EIF4G3: variants seen among roughly 807,000 people sequenced by gnomAD.
EIF4G3 encodes eukaryotic translation initiation factor 4 gamma 3.
A neutral mutation model predicts 186.4 loss-of-function variants in EIF4G3; 34 were observed. The ratio of observed to expected loss-of-function variants is 0.18; its 90% CI spans 0.14 to 0.24. EIF4G3 has a LOEUF of 0.24. Among genes scored for constraint, EIF4G3 ranks in the 10% least tolerant of loss-of-function variants. The pLI is 1.00. For synonymous variants in EIF4G3, 673 were observed against 679.5 expected (o/e 0.99, Z 0.15); for missense variants, 1,536 against 1,948.5 (o/e 0.79, Z 3.99).
At chr1:20,849,392 GTT>G (rs750739069) in intron 29 of EIF4G3, 21 bp downstream of exon 29, 12 of 1,074,124 alleles carry the variant, frequency 1.1e-5, no homozygotes, top group African/African-American at 8.3e-5. Flanking sequence ...CTGTGTGTGT[GTT>G]TTTTTTTTAA....
At chr1:21,155,247 T>C (rs1370672235) in intron 2 of EIF4G3, among the ~76,000 whole-genome samples, 1 of 100,192 alleles carries the variant, frequency 1.0e-5, no homozygotes, top group South Asian at 3.5e-4. Context: ...TGGGAGACAG[T>C]GCGAGACTCT....
intron 33 of EIF4G3, among the ~76,000 whole-genome samples, chr1:20,818,334 T>C (rs761089123): frequency 2.0e-5 from 3 of 152,194 alleles, no homozygotes; most frequent in African/African-American, 2.4e-5. Context: ...CTTAGATACA[T>C]AGTTTTAAAA....
At chr1:21,140,314 A>AT (rs1009907530) in intron 2 of EIF4G3, among the ~76,000 whole-genome samples, 5 of 150,598 alleles carry the variant, frequency 3.3e-5, no homozygotes, top group South Asian at 2.1e-4. Flanking sequence ...GCATGGGCAA[A>AT]TTTTTTTTTT....
chr1:20,913,496 C>A (rs2093492617), intron 14 of EIF4G3, among the ~76,000 whole-genome samples: 2 of 152,122 alleles, frequency 1.3e-5, no homozygotes, highest in Admixed American at 6.5e-5. Flanking sequence ...TATTACTGTA[C>A]CCCACCCTGT....
chr1:20,891,777 G>A (rs192574207), intron 18 of EIF4G3, among the ~76,000 whole-genome samples: 2 of 149,916 alleles, frequency 1.3e-5, no homozygotes, highest in African/African-American at 2.5e-5. Context: ...GCGACAGAGC[G>A]ACACTCTGTC....
At chr1:20,844,122 T>C (rs915477898) in intron 29 of EIF4G3, among the ~76,000 whole-genome samples, 1 of 152,178 alleles carries the variant, frequency 6.6e-6, no homozygotes, top group Non-Finnish European at 1.5e-5. Context: ...AACATACGTG[T>C]GCATGTGTCT....
chr1:21,072,592 C>G (rs1348012375), intron 3 of EIF4G3, among the ~76,000 whole-genome samples: 1 of 151,478 alleles, frequency 6.6e-6, no homozygotes, highest in Non-Finnish European at 1.5e-5. Context: ...TTAGTAGAGA[C>G]GGGGTTTCAC....
At chr1:20,906,674 C>T (rs1486199862) in intron 14 of EIF4G3, among the ~76,000 whole-genome samples, 1 of 152,060 alleles carries the variant, frequency 6.6e-6, no homozygotes, top group Non-Finnish European at 1.5e-5. Flanking sequence ...AAAACAGCTA[C>T]TGAGCCAGTG....
chr1:20,942,590 T>C (rs907740435), intron 13 of EIF4G3, among the ~76,000 whole-genome samples: 3 of 152,130 alleles, frequency 2.0e-5, no homozygotes, highest in Non-Finnish European at 2.9e-5. Flanking sequence ...ATATCAAGAA[T>C]ACAACTGAAA....
At chr1:20,862,659 A>T (rs1432256707) in intron 22 of EIF4G3, among the ~76,000 whole-genome samples, 1 of 152,062 alleles carries the variant, frequency 6.6e-6, no homozygotes, top group Non-Finnish European at 1.5e-5. Flanking sequence ...GCAATCCTCC[A>T]GCCTTGGCCT....
At chr1:21,048,831 G>A (rs1197280158) in intron 4 of EIF4G3, among the ~76,000 whole-genome samples, 1 of 152,132 alleles carries the variant, frequency 6.6e-6, no homozygotes, top group Non-Finnish European at 1.5e-5. Flanking sequence ...GGTAGGGGTA[G>A]CAGTCTCTCA....
intron 7 of EIF4G3, among the ~76,000 whole-genome samples, chr1:20,991,554 T>A (rs934283684): frequency 6.8e-6 from 1 of 147,806 alleles, no homozygotes; most frequent in Non-Finnish European, 1.5e-5. Flanking sequence ...GGTGACAGAG[T>A]GAGACTCTGT....
intron 3 of EIF4G3, among the ~76,000 whole-genome samples, chr1:21,062,231 T>C (rs1396427942): frequency 6.6e-6 from 1 of 151,642 alleles, no homozygotes; most frequent in African/African-American, 2.4e-5. Context: ...GCTAATTTGT[T>C]TTATTTTTTG....
intron 3 of EIF4G3, among the ~76,000 whole-genome samples, chr1:21,088,414 C>T (rs1462465375): frequency 1.5e-5 from 2 of 137,144 alleles, no homozygotes; most frequent in African/African-American, 2.6e-5. Context: ...AGCAAAACTC[C>T]ATCTCAAAAT....
intron 2 of EIF4G3, among the ~76,000 whole-genome samples, chr1:21,117,693 T>C (rs1281690516): frequency 7.2e-6 from 1 of 139,366 alleles, no homozygotes; most frequent in Non-Finnish European, 1.5e-5. Context: ...GCACTCTTTG[T>C]AATTCTGGTC....
At chr1:20,882,629 A>AT (rs2082744625) in intron 19 of EIF4G3, among the ~76,000 whole-genome samples, 3 of 102,542 alleles carry the variant, frequency 2.9e-5, no homozygotes, top group East Asian at 1.4e-3. Context: ...TCAAAAAAAA[A>AT]CAAAAAAAAA....
chr1:21,044,219 A>G (rs926854135), intron 4 of EIF4G3, among the ~76,000 whole-genome samples: 1 of 152,176 alleles, frequency 6.6e-6, no homozygotes, highest in African/African-American at 2.4e-5. Flanking sequence ...AGTTCTTAAA[A>G]ATCTACTTTT....
chr1:20,990,331 T>G (rs189502898), intron 7 of EIF4G3, among the ~76,000 whole-genome samples: 76 of 152,168 alleles, frequency 5.0e-4, no homozygotes, highest in African/African-American at 1.6e-3. Flanking sequence ...GCAAAAAGAT[T>G]ACAACTCACT....
At chr1:20,951,012 A>G (rs2096191810) in intron 12 of EIF4G3, among the ~76,000 whole-genome samples, 1 of 152,090 alleles carries the variant, frequency 6.6e-6, no homozygotes, top group Non-Finnish European at 1.5e-5. Flanking sequence ...AATATCCTAC[A>G]ACGAATTCTA....
Sources: gnomAD v4.1 joint callset for allele counts (sites outside exome capture counted in the v4.1 genomes callset) on GRCh38, gnomAD v4.1.1 for gene constraint, MANE v1.5 for transcripts, NCBI Gene and HGNC (gene_info 2026-07-23, HGNC 2026-07-21) for gene names.